Variants in WWOX observed in about 807,000 individuals in gnomAD.
WWOX encodes the protein WW domain containing oxidoreductase.
In WWOX, 69 loss-of-function variants were observed where a neutral mutation model predicts 46.2. The ratio of observed to expected loss-of-function variants is 1.49; its 90% confidence interval spans 1.23 to 1.82. The LOEUF (loss-of-function observed/expected upper bound fraction) is 1.82. Among genes scored for constraint, WWOX ranks in the 40% most tolerant of loss-of-function variants. WWOX has a pLI of 0.00. For missense variants in WWOX, 919 were observed against 542.6 expected, an observed-to-expected ratio of 1.69 and a Z score of -6.89; for synonymous variants, 359 against 202.6, an observed-to-expected ratio of 1.77 and a Z score of -6.56.
chr16:78,270,944 G>T (rs771592310), intron 5 of WWOX, among the ~76,000 whole-genome samples: 2 of 152,118 alleles, frequency 1.3e-5, no homozygotes, highest in African/African-American at 2.4e-5. Flanking sequence ...TCCTGTTTGC[G>T]TTCAGGTCAA....
rs1026081578 is a variant in WWOX at position 78,439,770 on chromosome 16, C to T, written c.1056+7018C>T. 1.2e-4 allele frequency among the ~76,000 whole-genome samples: 19 copies of T among 152,316 alleles called. 1 individual carries two copies. Among genetic ancestry groups the T allele is most frequent in the African/African-American group, 4.1e-4 (17 of 41,578 alleles). ...CATGTATCCAGAGTTGCTGAGGCAG[C>T]AAGGGTTGTGTTTGGCTACTATATG... is the stretch of plus-strand genomic sequence containing the variant. On this transcript the variant is annotated intron_variant, in intron 8 of 8. Transcript: ENST00000566780.
intron 6 of WWOX, among the ~76,000 whole-genome samples, chr16:78,409,744 C>T (rs1371177189): frequency 1.3e-5 from 2 of 152,152 alleles, no homozygotes; most frequent in African/African-American, 4.8e-5. Flanking sequence ...TCTAGAGACT[C>T]CAGGGAGAAT....
chr16:78,173,856 G>C (rs1053063080), intron 5 of WWOX, among the ~76,000 whole-genome samples: 1 of 152,130 alleles, frequency 6.6e-6, no homozygotes, highest in Admixed American at 6.5e-5. Flanking sequence ...AGTCCGAGAC[G>C]AGGGTGCCAA....
chr16:78,828,834 G>A lies in WWOX; in HGVS notation c.1057-382774G>A, dbSNP rs565166244. Among the ~76,000 whole-genome samples, 4 of 152,210 alleles carry A rather than the reference G, an allele frequency of 2.6e-5. No individual in the cohort carries two copies. In the South Asian group the frequency reaches 6.2e-4, roughly 24 times the overall value. Reference sequence around the variant, plus strand: ...GGAAACTATGTAATGGAGACTCTCAGGCCACTGTCTTTTGAGCAGCATTTT... The same window carrying A: ...GGAAACTATGTAATGGAGACTCTCAAGCCACTGTCTTTTGAGCAGCATTTT... On this transcript the variant is annotated intron_variant, in intron 8 of 8. Transcript: ENST00000566780.
intron 8 of WWOX, among the ~76,000 whole-genome samples, chr16:79,051,291 A>G (rs2048162763): frequency 6.6e-6 from 1 of 152,044 alleles, no homozygotes; most frequent in Non-Finnish European, 1.5e-5. Flanking sequence ...TGCGCAGGAG[A>G]CCCTACTAAA....
intron 6 of WWOX, among the ~76,000 whole-genome samples, chr16:78,422,663 G>GTATATATATATATATATATACACATA (rs1555536296): frequency 4.1e-5 from 1 of 24,410 alleles, no homozygotes; most frequent in East Asian, 7.4e-4. Context: ...TTTTTTACAT[G>GTATATATATATATATATATACACATA]TATATATATA....
At chr16:78,433,758 C>G (rs995043054) in intron 8 of WWOX, among the ~76,000 whole-genome samples, 2 of 150,186 alleles carry the variant, frequency 1.3e-5, no homozygotes, top group East Asian at 3.9e-4. Context: ...CCACCCTTAA[C>G]CTTCGTATTT....
chr16:78,106,117 G>A (rs898014595), intron 1 of WWOX, among the ~76,000 whole-genome samples: 1 of 152,158 alleles, frequency 6.6e-6, no homozygotes, highest in Non-Finnish European at 1.5e-5. Flanking sequence ...ATGGATTCTT[G>A]AGGGCAGAGT....
At chr16:78,382,880 A>G (rs567624449) in intron 5 of WWOX, among the ~76,000 whole-genome samples, 146 of 150,998 alleles carry the variant, frequency 9.7e-4, no homozygotes, top group Middle Eastern at 3.4e-3. Context: ...CATACCTGAG[A>G]CTGTGTAATT....
intron 8 of WWOX, among the ~76,000 whole-genome samples, chr16:79,112,720 G>T (rs1207365940): frequency 6.6e-6 from 1 of 152,050 alleles, no homozygotes; most frequent in Admixed American, 6.6e-5. Flanking sequence ...AAAGTTTATT[G>T]CCTAGAATAT....
At chr16:78,392,617 G>A (rs552425091) in intron 6 of WWOX, among the ~76,000 whole-genome samples, 1 of 152,134 alleles carries the variant, frequency 6.6e-6, no homozygotes, top group South Asian at 2.1e-4. Context: ...TCTGCAGTCT[G>A]TACTTTGGTG....
At chr16:79,009,972 C>G (rs1286500089) in intron 8 of WWOX, among the ~76,000 whole-genome samples, 1 of 152,180 alleles carries the variant, frequency 6.6e-6, no homozygotes, top group Non-Finnish European at 1.5e-5. Context: ...CATTGACCTT[C>G]TCTGAACCTC....
intron 8 of WWOX, among the ~76,000 whole-genome samples, chr16:78,837,644 G>T (rs986251095): frequency 3.9e-5 from 6 of 152,068 alleles, no homozygotes; most frequent in Non-Finnish European, 7.4e-5. Context: ...GTTTATTGGT[G>T]AACCAAATAT....
At chr16:79,114,767 G>A (rs192982156) in intron 8 of WWOX, among the ~76,000 whole-genome samples, 5 of 152,246 alleles carry the variant, frequency 3.3e-5, no homozygotes, top group Admixed American at 6.5e-5. Flanking sequence ...ATACCCTTTA[G>A]CCAAGTAAAC....
chr16:78,111,546 GTTAC>G (rs2032490974), intron 3 of WWOX, among the ~76,000 whole-genome samples: 1 of 152,162 alleles, frequency 6.6e-6, no homozygotes. Context: ...GAAGACACCC[GTTAC>G]TTAGCAGACC....
At chr16:78,539,606 T>A (rs2043839411) in intron 8 of WWOX, among the ~76,000 whole-genome samples, 1 of 152,244 alleles carries the variant, frequency 6.6e-6, no homozygotes, top group Non-Finnish European at 1.5e-5. Flanking sequence ...AATTTCCCGA[T>A]TCTCTTCCAC....
At chr16:78,527,990 C>CTTTTTTT (rs1348624411) in intron 8 of WWOX, among the ~76,000 whole-genome samples, 1 of 57,950 alleles carries the variant, frequency 1.7e-5, no homozygotes, top group East Asian at 7.3e-4. Context: ...TGGTACATGT[C>CTTTTTTT]CTTTTTTTTT....
At chr16:79,198,010 A>G (rs1332172535) in intron 8 of WWOX, among the ~76,000 whole-genome samples, 1 of 152,148 alleles carries the variant, frequency 6.6e-6, no homozygotes, top group Non-Finnish European at 1.5e-5. Flanking sequence ...TCATCTACCA[A>G]AATCTGAGGA....
chr16:78,205,462 C>T (rs1021448328), intron 5 of WWOX, among the ~76,000 whole-genome samples: 1 of 151,930 alleles, frequency 6.6e-6, no homozygotes, highest in African/African-American at 2.4e-5. Context: ...TGCCCATCTG[C>T]CCACCTACCC....
Sources: allele counts gnomAD v4.1 joint callset (sites outside exome capture counted in the v4.1 genomes callset), GRCh38; gene constraint gnomAD v4.1.1; transcripts MANE v1.5; gene names NCBI Gene and HGNC (gene_info 2026-07-23, HGNC 2026-07-21).